Variants in RBMS3 observed in about 807,000 individuals in gnomAD.
RBMS3 encodes RNA binding motif single stranded interacting protein 3.
In RBMS3, 27 loss-of-function variants were observed where a neutral mutation model predicts 66.8. The ratio of observed to expected loss-of-function variants is 0.40; its 90% CI spans 0.30 to 0.56. RBMS3 has a LOEUF of 0.56. RBMS3 is among the 20% of genes least tolerant of loss of function. The probability of loss-of-function intolerance (pLI) is 0.40; values close to 1 mark genes in which losing one functional copy is unlikely to be tolerated. For synonymous variants in RBMS3, 188 were observed against 183.0 expected, an observed-to-expected ratio of 1.03 and a Z score of -0.22; for missense variants, 513 against 549.5, an observed-to-expected ratio of 0.93 and a Z score of 0.66.
chr3:29,333,405 CGGT>C (rs2035776239), intron 1 of RBMS3, among the ~76,000 whole-genome samples: 1 of 152,008 alleles, frequency 6.6e-6, no homozygotes, highest in African/African-American at 2.4e-5. Flanking sequence ...AGTGCTGAGA[CGGT>C]GGCTTAACAA....
At chr3:29,564,284 C>G (rs2046662318) in intron 3 of RBMS3, among the ~76,000 whole-genome samples, 1 of 151,818 alleles carries the variant, frequency 6.6e-6, no homozygotes, top group African/African-American at 2.4e-5. Flanking sequence ...TGAGACCAGC[C>G]TGACCAACAT....
chr3:29,543,437 G>T (rs9856878), intron 3 of RBMS3, among the ~76,000 whole-genome samples: 4 of 152,052 alleles, frequency 2.6e-5, no homozygotes, highest in African/African-American at 9.7e-5. Flanking sequence ...GGCTGGGCAA[G>T]GTGGCTAACG....
At chr3:29,734,975 T>C (rs1401404742) in intron 4 of RBMS3, among the ~76,000 whole-genome samples, 2 of 152,168 alleles carry the variant, frequency 1.3e-5, no homozygotes, top group Non-Finnish European at 2.9e-5. Flanking sequence ...ATGCTAGTAC[T>C]GTAGCTACTT....
chr3:29,493,574 G>A (rs1356748598), intron 3 of RBMS3, among the ~76,000 whole-genome samples: 1 of 152,082 alleles, frequency 6.6e-6, no homozygotes, highest in Non-Finnish European at 1.5e-5. Flanking sequence ...GTGGGCTTAT[G>A]GGTGATATAT....
At chr3:29,424,497 A>T (rs2040866309) in intron 1 of RBMS3, among the ~76,000 whole-genome samples, 1 of 152,206 alleles carries the variant, frequency 6.6e-6, no homozygotes, top group Non-Finnish European at 1.5e-5. Context: ...AAGTAGAAGG[A>T]AACAGGGATA....
At chr3:29,684,813 C>CACACACACACACACAG (rs1386408420) in intron 4 of RBMS3, among the ~76,000 whole-genome samples, 1 of 144,878 alleles carries the variant, frequency 6.9e-6, no homozygotes, top group African/African-American at 2.5e-5. Flanking sequence ...CACACACACA[C>CACACACACACACACAG]ACAGACACAT....
intron 4 of RBMS3, among the ~76,000 whole-genome samples, chr3:29,591,556 C>T: frequency 6.6e-6 from 1 of 152,200 alleles, no homozygotes; most frequent in East Asian, 1.9e-4. Flanking sequence ...CTGATTCTGT[C>T]ATCCAGAGGG....
At chr3:29,536,451 C>T (rs540941392) in intron 3 of RBMS3, among the ~76,000 whole-genome samples, 3 of 152,232 alleles carry the variant, frequency 2.0e-5, no homozygotes, top group Middle Eastern at 3.4e-3. Context: ...CTTATCACTG[C>T]GTCATGTGCT....
chr3:29,420,560 G>GT (rs1553600813), intron 1 of RBMS3, among the ~76,000 whole-genome samples: 220 of 123,350 alleles, frequency 1.8e-3, no homozygotes, highest in African/African-American at 5.7e-3. Flanking sequence ...ACTTAGGTTT[G>GT]TTTTTTTTTG....
intron 3 of RBMS3, among the ~76,000 whole-genome samples, chr3:29,535,965 T>C (rs1405683393): frequency 1.3e-5 from 2 of 152,080 alleles, no homozygotes; most frequent in Non-Finnish European, 2.9e-5. Flanking sequence ...GTTTCCATAG[T>C]GTACTAATCT....
At chr3:30,002,971 AT>A (rs1699677770) in intron 14 of RBMS3, among the ~76,000 whole-genome samples, 1 of 151,988 alleles carries the variant, frequency 6.6e-6, no homozygotes, top group Non-Finnish European at 1.5e-5. Context: ...ACTGAGTCAA[AT>A]TTACTAAATT....
Position 29,868,282 on chromosome 3 carries a change from A to G in RBMS3, c.638-576A>G, listed in dbSNP as rs1351681848. On this transcript the variant is annotated intron_variant, in intron 6 of 14. Coordinates refer to ENST00000383767, the MANE Select transcript of RBMS3 (RefSeq NM_001003793.3). ...TCATGTGGGTTCACTTAACATTATA[A>G]TAATTGTTCTCCCTGGGATTCTGAC... Among the ~76,000 whole-genome samples, 4 of 152,160 alleles carry G rather than the reference A, an allele frequency of 2.6e-5. No individual in the cohort carries two copies. The South Asian group carries it at 6.2e-4, about 24-fold the overall frequency.
chr3:29,712,447 G>A (rs115019064), intron 4 of RBMS3, among the ~76,000 whole-genome samples: 4,307 of 152,078 alleles, frequency 0.028, 88 homozygotes, highest in Admixed American at 0.064. Context: ...CAAGTAGCTC[G>A]GGCTACGAAT....
intron 3 of RBMS3, among the ~76,000 whole-genome samples, chr3:29,576,146 T>A (rs1241415284): frequency 6.6e-6 from 1 of 152,112 alleles, no homozygotes; most frequent in Non-Finnish European, 1.5e-5. Flanking sequence ...CCATCCTTCT[T>A]GAGAAGGCTT....
chr3:29,799,100 T>C (rs1248698107), intron 6 of RBMS3, among the ~76,000 whole-genome samples: 2 of 152,174 alleles, frequency 1.3e-5, no homozygotes, highest in Non-Finnish European at 2.9e-5. Context: ...AAATCTCACT[T>C]GGGAAATAAT....
At chr3:29,961,705 A>G (rs1696460369) in intron 12 of RBMS3, among the ~76,000 whole-genome samples, 1 of 151,916 alleles carries the variant, frequency 6.6e-6, no homozygotes. Context: ...AACCCCTTAT[A>G]AAACCATTAG....
intron 6 of RBMS3, among the ~76,000 whole-genome samples, chr3:29,837,780 G>A (rs1338629251): frequency 1.4e-5 from 2 of 147,406 alleles, no homozygotes. Context: ...TAATGATCAT[G>A]TGTTCTGGCT....
At chr3:29,656,074 GT>G (rs1264652716) in intron 4 of RBMS3, among the ~76,000 whole-genome samples, 1 of 151,946 alleles carries the variant, frequency 6.6e-6, no homozygotes, top group African/African-American at 2.4e-5. Flanking sequence ...CAGTCAAAAA[GT>G]TTTTTTAATT....
At chr3:29,851,908 C>T (rs1219877389) in intron 6 of RBMS3, among the ~76,000 whole-genome samples, 1 of 152,164 alleles carries the variant, frequency 6.6e-6, no homozygotes, top group Non-Finnish European at 1.5e-5. Context: ...GTGGAGGAAT[C>T]ATACTACCTG....
Sources: allele counts gnomAD v4.1 joint callset (sites outside exome capture counted in the v4.1 genomes callset), GRCh38; gene constraint gnomAD v4.1.1; transcripts MANE v1.5; gene names NCBI Gene and HGNC (gene_info 2026-07-23, HGNC 2026-07-21).